Variants in SLC1A2 observed in about 807,000 individuals in gnomAD.
SLC1A2 encodes the protein solute carrier family 1 member 2.
A neutral mutation model predicts 48.8 loss-of-function variants in SLC1A2; 15 were observed. The observed-to-expected ratio is 0.31, with a 90% CI of 0.21 to 0.47. The LOEUF is 0.47. Ranked by LOEUF, SLC1A2 falls within the 20% of genes least tolerant of loss-of-function variation. The pLI is 0.99. For missense variants in SLC1A2, 502 were observed against 730.5 expected, an observed-to-expected ratio of 0.69 and a Z score of 3.61; for synonymous variants, 279 against 272.6, an observed-to-expected ratio of 1.02 and a Z score of -0.23.
Position 35,306,268 on chromosome 11 carries a change from T to C in SLC1A2, c.562-26A>G, listed in dbSNP as rs372173225. 2.5e-6 allele frequency: 4 copies of C among 1,595,404 alleles called. 1 individual carries two copies. The highest frequency in any genetic ancestry group is 2.6e-6 in the Non-Finnish European group (3 of 1,166,484). ...CTAACAGAGTGAGGGAAAAAAGGCA[T>C]AGAGCTGAGATTTGGCCTATAAGGT... On this transcript the variant is annotated intron_variant, in intron 4 of 10. Transcript: ENST00000278379.
At chr11:35,360,058 G>T in intron 1 of SLC1A2, 1 of 984,550 alleles carries the variant, frequency 1.0e-6, no homozygotes, top group Non-Finnish European at 1.2e-6. Flanking sequence ...CATTCTCTCG[G>T]CTCCAGGAAC....
intron 2 of SLC1A2, 111 bp from the exon 3 acceptor site, chr11:35,315,286 A>C (rs921423539): frequency 1.1e-5 from 8 of 702,928 alleles, no homozygotes; most frequent in African/African-American, 7.1e-5. Flanking sequence ...GCAGTATTAA[A>C]TGATGAACAA....
At chr11:35,406,012 A>C (rs1208385581) in intron 1 of SLC1A2, among the ~76,000 whole-genome samples, 1 of 152,262 alleles carries the variant, frequency 6.6e-6, no homozygotes, top group Non-Finnish European at 1.5e-5. Flanking sequence ...GATAATGATA[A>C]TAAGATGAGG....
At chr11:35,272,597 G>A (rs1850311164) in intron 9 of SLC1A2, among the ~76,000 whole-genome samples, 2 of 152,232 alleles carry the variant, frequency 1.3e-5, no homozygotes, top group South Asian at 4.1e-4. Context: ...TGGTTCATGT[G>A]TGGAAAGTTT....
At chr11:35,328,310 C>A (rs1852313677) in intron 1 of SLC1A2, among the ~76,000 whole-genome samples, 1 of 152,156 alleles carries the variant, frequency 6.6e-6, no homozygotes, top group Non-Finnish European at 1.5e-5. Context: ...ATCAGAGGGA[C>A]CCTAATGTCT....
intron 1 of SLC1A2, chr11:35,370,871 C>T (rs1854036366): frequency 1.3e-6 from 1 of 792,972 alleles, no homozygotes; most frequent in Non-Finnish European, 1.5e-6. Flanking sequence ...GCTGCACATG[C>T]TGAGTGGCCC....
intron 9 of SLC1A2, among the ~76,000 whole-genome samples, chr11:35,276,549 C>A (rs556264882): frequency 5.9e-5 from 9 of 152,256 alleles, no homozygotes; most frequent in Admixed American, 2.6e-4. Flanking sequence ...AGCATGTGAG[C>A]ACCTGCATGG....
Position 35,419,047 on chromosome 11 carries a change from A to C in SLC1A2, c.-81T>G. 1 of 1,338,526 alleles carries C rather than the reference A, an allele frequency of 7.5e-7. No homozygotes were observed. Among genetic ancestry groups the C allele is most frequent in the African/African-American group, 1.5e-5 (1 of 67,702 alleles). The allele number at this position is 1,338,526 out of a possible 1,614,324, so 82.9% of individuals were successfully genotyped here. ...GAAAGCGGACGCCGGGGTGAGCGCGAAGTGCGGCCGGGAGCGGTATTTAAG... is the reference window on the plus strand; with the variant it reads ...GAAAGCGGACGCCGGGGTGAGCGCGCAGTGCGGCCGGGAGCGGTATTTAAG... On this transcript the variant is annotated 5_prime_UTR_variant, in exon 1 of 11. Coordinates refer to ENST00000278379, the MANE Select transcript of SLC1A2 (RefSeq NM_004171.4). This position sits in a 1 kb window ranked among gnomAD's most constrained non-coding sequence, Gnocchi z 5.4.
chr11:35,342,297 A>C (rs1050668838), intron 1 of SLC1A2, among the ~76,000 whole-genome samples: 6 of 152,242 alleles, frequency 3.9e-5, no homozygotes, highest in African/African-American at 1.4e-4. Flanking sequence ...TAACTTTTAA[A>C]AGATGAGTCT....
intron 1 of SLC1A2, among the ~76,000 whole-genome samples, chr11:35,379,026 C>T (rs1022081116): frequency 3.3e-5 from 5 of 152,054 alleles, no homozygotes; most frequent in African/African-American, 9.7e-5. Flanking sequence ...GTCAGGAGTT[C>T]GAGACCAGCC....
intron 1 of SLC1A2, among the ~76,000 whole-genome samples, chr11:35,409,208 C>T (rs977935561): frequency 1.3e-5 from 2 of 152,196 alleles, no homozygotes; most frequent in African/African-American, 2.4e-5. Flanking sequence ...TCAACATATA[C>T]GTACCTTTGG....
Position 35,371,214 on chromosome 11 carries a change from AT to A in SLC1A2, c.17+47735del, listed in dbSNP as rs896716201. ...TGCAAGCCCCATTTCCTTGTTTCCC[AT>A]TGTTTCATTTGCCTCTTGTTTATGA... On this transcript the variant is annotated intron_variant, in intron 1 of 10. Coordinates refer to ENST00000278379, the MANE Select transcript of SLC1A2 (RefSeq NM_004171.4). The A allele has an allele frequency of 5.0e-4, 138 of 275,942 alleles. 1 individual carries two copies. The highest frequency in any genetic ancestry group is 3.1e-3 in the African/African-American group (134 of 43,902). The allele number at this position is 275,942 out of a possible 1,614,324, so 17.1% of individuals were successfully genotyped here.
chr11:35,302,292 A>C (rs73439149), intron 5 of SLC1A2, among the ~76,000 whole-genome samples: 7,640 of 152,302 alleles, frequency 0.05, 649 homozygotes, highest in African/African-American at 0.17. Context: ...TCTGTTATTT[A>C]TGAATTTGTC....
intron 5 of SLC1A2, 125 bp downstream of exon 5, chr11:35,305,949 G>T (rs1851488145): frequency 2.6e-6 from 2 of 761,070 alleles, no homozygotes; most frequent in Admixed American, 5.5e-5. Flanking sequence ...CCCTCAAATT[G>T]CTCCCCAGAG....
Position 35,292,273 on chromosome 11 carries a change from CT to C in SLC1A2, c.1091+13del. 1 of 1,582,784 alleles carries C rather than the reference CT, an allele frequency of 6.3e-7. No homozygotes were observed. The highest frequency in any genetic ancestry group is 8.7e-7 in the Non-Finnish European group (1 of 1,153,712). On this transcript the variant is annotated intron_variant, in intron 7 of 10. Transcript: ENST00000278379. ...GAGTGAGCAAAGAGAAAGGTGATTT[CT>C]TTTGTTCTCTACCTGGAAGCGGTGC...
Position 35,260,781 on chromosome 11 carries a change from T to C in SLC1A2, c.*113A>G. On this transcript the variant is annotated 3_prime_UTR_variant, in exon 11 of 11. Transcript: ENST00000278379. ...TCTAAGCCTCGGCTAACAGATTAAG[T>C]AAACATAGAAATATACGCATTTTTT... The C allele has an allele frequency of 1.3e-6, 1 of 794,050 alleles. No individual in the cohort carries two copies. The allele number at this position is 794,050 out of a possible 1,614,324, so 49.2% of individuals were successfully genotyped here. A position where few individuals can be genotyped will look rare whatever the true frequency, so the allele number is the denominator to read the frequency against.
At chr11:35,337,274 A>C (rs1009581313) in intron 1 of SLC1A2, among the ~76,000 whole-genome samples, 1 of 152,120 alleles carries the variant, frequency 6.6e-6, no homozygotes, top group South Asian at 2.1e-4. Context: ...CAAACAGAAG[A>C]CTAGCTGTTT....
chr11:35,402,947 G>T (rs1479297725), intron 1 of SLC1A2, among the ~76,000 whole-genome samples: 1 of 152,206 alleles, frequency 6.6e-6, no homozygotes, highest in East Asian at 1.9e-4. Context: ...TATCACCTGT[G>T]GCTCTATGGA....
In SLC1A2 at chr11:35,270,847, C is replaced by T. The variant is rs569958723; in HGVS notation, c.1422-5089G>A. ...GATGGCTAACAAGTATAGTGAGAGA[C>T]GCAGAAAGTAAGAATTAACCAAATC... is the stretch of plus-strand genomic sequence containing the variant. On this transcript the variant is annotated intron_variant, in intron 9 of 10. Transcript: ENST00000278379. 2.6e-4 allele frequency among the ~76,000 whole-genome samples: 39 copies of T among 152,284 alleles called. No homozygotes were observed. The South Asian group carries it at 4.4e-3, about 17-fold the overall frequency.
Sources: allele counts gnomAD v4.1 joint callset (sites outside exome capture counted in the v4.1 genomes callset), GRCh38; gene constraint gnomAD v4.1.1; non-coding constraint Gnocchi (gnomAD v3.1); transcripts MANE v1.5; gene names NCBI Gene and HGNC (gene_info 2026-07-23, HGNC 2026-07-21).